PINX1: variants seen among roughly 807,000 people sequenced by gnomAD.
PINX1 encodes the protein PIN2 (TERF1) interacting telomerase inhibitor 1.
In PINX1, 34 loss-of-function variants were observed where a neutral mutation model predicts 25.4. That is an observed-to-expected ratio of 1.34 (90% CI 1.02 to 1.78). The LOEUF (loss-of-function observed/expected upper bound fraction) is 1.78, where lower values mean the gene tolerates loss of function less well. Among genes scored for constraint, PINX1 ranks in the 40% most tolerant of loss-of-function variants. The pLI, the probability that PINX1 is intolerant of heterozygous loss-of-function variation, is 0.00. For missense variants in PINX1, 592 were observed against 404.9 expected (o/e 1.46, Z -3.97); for synonymous variants, 197 against 147.7 (o/e 1.33, Z -2.42).
intron 3 of PINX1, among the ~76,000 whole-genome samples, chr8:10,832,256 T>G (rs1798247016): frequency 6.6e-6 from 1 of 152,172 alleles, no homozygotes; most frequent in African/African-American, 2.4e-5. Flanking sequence ...AGTTCCCATT[T>G]GTAAGGTGGT....
At chr8:10,823,179 G>A (rs1007330992) in intron 5 of PINX1, among the ~76,000 whole-genome samples, 15 of 152,192 alleles carry the variant, frequency 9.9e-5, no homozygotes, top group African/African-American at 1.9e-4. Context: ...GAGGGGCGGG[G>A]CTGACTGCGC....
intron 6 of PINX1, among the ~76,000 whole-genome samples, chr8:10,790,214 G>T (rs1198038365): frequency 1.3e-5 from 2 of 152,018 alleles, no homozygotes; most frequent in African/African-American, 4.8e-5. Context: ...GATCTAACGG[G>T]GCTGAATAAA....
At chr8:10,772,746 A>G (rs576461679) in intron 6 of PINX1, among the ~76,000 whole-genome samples, 1 of 152,296 alleles carries the variant, frequency 6.6e-6, no homozygotes, top group East Asian at 1.9e-4. Flanking sequence ...CAAAGATACA[A>G]TAACAGAATG....
chr8:10,784,247 T>C (rs1801679816), intron 6 of PINX1, among the ~76,000 whole-genome samples: 1 of 152,242 alleles, frequency 6.6e-6, no homozygotes, highest in African/African-American at 2.4e-5. Context: ...TTTAACTAAA[T>C]GAATAATATC....
intron 6 of PINX1, among the ~76,000 whole-genome samples, chr8:10,810,159 C>T (rs1356922048): frequency 6.6e-6 from 1 of 152,230 alleles, no homozygotes; most frequent in African/African-American, 2.4e-5. Context: ...CACCTCCCAC[C>T]AGGTCACACC....
intron 6 of PINX1, among the ~76,000 whole-genome samples, chr8:10,807,332 C>CT (rs977765163): frequency 1.0e-5 from 1 of 95,864 alleles, no homozygotes; most frequent in East Asian, 4.1e-4. Context: ...CCCCCACCCC[C>CT]CCCCCCACCA....
Position 10,765,394 on chromosome 8 carries a change from G to C in PINX1, c.*7C>G, listed in dbSNP as rs1800997501. 1.9e-6 allele frequency: 3 copies of C among 1,588,492 alleles called. No homozygotes were observed. The highest frequency in any genetic ancestry group is 2.6e-6 in the Non-Finnish European group (3 of 1,171,242). On this transcript the variant is annotated 3_prime_UTR_variant, in exon 7 of 7. Coordinates refer to ENST00000314787, the MANE Select transcript of PINX1 (RefSeq NM_017884.6). ...TGAGTGGTCGGAAGGCCCCGGCTGGGAAGGATTCATTTGGAATCTTTCTTC... is the reference window on the plus strand; with the variant it reads ...TGAGTGGTCGGAAGGCCCCGGCTGGCAAGGATTCATTTGGAATCTTTCTTC...
intron 6 of PINX1, among the ~76,000 whole-genome samples, chr8:10,772,912 G>A (rs1216303993): frequency 1.3e-5 from 2 of 148,320 alleles, no homozygotes; most frequent in Non-Finnish European, 3.0e-5. Flanking sequence ...ATGGCCGTGG[G>A]CCTAGTTTTT....
chr8:10,799,412 A>G (rs1802194573), intron 6 of PINX1, among the ~76,000 whole-genome samples: 1 of 152,192 alleles, frequency 6.6e-6, no homozygotes, highest in Non-Finnish European at 1.5e-5. Flanking sequence ...ATGATGGGAC[A>G]GACGTGTCTG....
intron 5 of PINX1, among the ~76,000 whole-genome samples, chr8:10,824,131 C>T (rs1039199905): frequency 2.3e-4 from 35 of 152,272 alleles, no homozygotes; most frequent in African/African-American, 8.2e-4. Flanking sequence ...AATCATAAAA[C>T]AGAACCTACC....
chr8:10,765,951 C>A, intron 6 of PINX1, 35 bp from the exon 7 acceptor site: 1 of 1,600,434 alleles, frequency 6.2e-7, no homozygotes, highest in Non-Finnish European at 8.5e-7. Flanking sequence ...GGCAGGTAAG[C>A]ATCAACTGTT....
intron 6 of PINX1, among the ~76,000 whole-genome samples, chr8:10,814,161 C>T (rs1002503166): frequency 4.6e-5 from 7 of 152,104 alleles, no homozygotes; most frequent in African/African-American, 1.7e-4. Context: ...TAGGTGCACT[C>T]CAAACCAGTT....
At chr8:10,785,469 G>A (rs963704602) in intron 6 of PINX1, among the ~76,000 whole-genome samples, 2 of 152,160 alleles carry the variant, frequency 1.3e-5, no homozygotes, top group African/African-American at 2.4e-5. Context: ...CTAAGGCACA[G>A]GAAAATGTTT....
intron 3 of PINX1, among the ~76,000 whole-genome samples, chr8:10,832,518 C>T (rs1041591085): frequency 6.6e-6 from 1 of 152,236 alleles, no homozygotes; most frequent in East Asian, 1.9e-4. Context: ...TAAACTCTTT[C>T]TTTAGTGGCT....
intron 6 of PINX1, among the ~76,000 whole-genome samples, chr8:10,783,998 G>T (rs573217520): frequency 1.3e-5 from 2 of 152,288 alleles, no homozygotes; most frequent in South Asian, 4.2e-4. Flanking sequence ...TCCACAGTAT[G>T]AGCCTAACAG....
At chr8:10,831,261 T>G (rs1026160926) in intron 4 of PINX1, among the ~76,000 whole-genome samples, 1 of 152,180 alleles carries the variant, frequency 6.6e-6, no homozygotes, top group Non-Finnish European at 1.5e-5. Context: ...GACAGCAGAA[T>G]AGTGGTTATT....
intron 6 of PINX1, among the ~76,000 whole-genome samples, chr8:10,815,471 C>T (rs190436397): frequency 2.6e-5 from 4 of 152,288 alleles, no homozygotes; most frequent in Non-Finnish European, 5.9e-5. Flanking sequence ...ACTATGCGCA[C>T]AAAGAAAATT....
chr8:10,768,919 T>C (rs992764163), intron 6 of PINX1, among the ~76,000 whole-genome samples: 1 of 152,250 alleles, frequency 6.6e-6, no homozygotes, highest in Non-Finnish European at 1.5e-5. Context: ...AACAAGTTAC[T>C]TTTAAGCATT....
chr8:10,801,044 G>T (rs1400879238), intron 6 of PINX1, among the ~76,000 whole-genome samples: 1 of 152,184 alleles, frequency 6.6e-6, no homozygotes, highest in South Asian at 2.1e-4. Flanking sequence ...TAATGGAGTA[G>T]AAGCTCTATA....
Sources: allele counts gnomAD v4.1 joint callset (sites outside exome capture counted in the v4.1 genomes callset), GRCh38; gene constraint gnomAD v4.1.1; transcripts MANE v1.5; gene names NCBI Gene and HGNC (gene_info 2026-07-23, HGNC 2026-07-21).